The following EVI5L variants were observed in gnomAD, a reference collection of about 807,000 sequenced individuals.
EVI5L encodes the protein ecotropic viral integration site 5 like, also known as EVI5-like protein.
EVI5L carries 30 observed loss-of-function variants against 106.1 expected under a neutral mutation model. The ratio of observed to expected loss-of-function variants is 0.28; its 90% CI spans 0.21 to 0.38. The LOEUF (loss-of-function observed/expected upper bound fraction) is 0.38, where lower values mean the gene tolerates loss of function less well. EVI5L is among the 10% of genes least tolerant of loss of function. EVI5L has a pLI of 1.00. For synonymous variants in EVI5L, 489 were observed against 483.3 expected, an observed-to-expected ratio of 1.01 and a Z score of -0.15; for missense variants, 809 against 1,098.0, an observed-to-expected ratio of 0.74 and a Z score of 3.72.
Position 7,856,913 on chromosome 19 carries a change from T to G in EVI5L, c.1201-179T>G. On this transcript the variant is annotated intron_variant, in intron 11 of 19. Transcript: ENST00000538904. The surrounding 1 kb of genome is among the most constrained non-coding windows in gnomAD (Gnocchi z 6.6). ...CTCCAGGACGGAGCTGGCTCTAGCT[T>G]TGGTCTTCCTCCGGGTCCTCTCCTG... 2.7e-6 allele frequency: 2 copies of G among 734,300 alleles called. No homozygotes were observed. Among genetic ancestry groups the G allele is most frequent in the South Asian group, 3.0e-5 (2 of 67,756 alleles). The allele number at this position is 734,300 out of a possible 1,614,324, so 45.5% of individuals were successfully genotyped here. A position where few individuals can be genotyped will look rare whatever the true frequency, so the allele number is the denominator to read the frequency against.
intron 13 of EVI5L, among the ~76,000 whole-genome samples, chr19:7,859,886 C>A (rs756007331): frequency 4.6e-5 from 7 of 152,212 alleles, no homozygotes; most frequent in African/African-American, 4.8e-5. Flanking sequence ...ATCTCAGAGA[C>A]CCACAGGAAG....
In EVI5L at chr19:7,855,998, TC is replaced by T. The variant is rs1979501536; in HGVS notation, c.1147-11del. 6.0e-6 allele frequency: 8 copies of T among 1,323,368 alleles called. No individual in the cohort carries two copies. The highest frequency in any genetic ancestry group is 5.6e-5 in the South Asian group (2 of 35,850). 82.0% of individuals were successfully genotyped at this position (1,323,368 alleles called of 1,614,324 possible). ...GTGGGGGGCGGGCTATGACGTGATCTCCCCCCACCCCCATAGAGACTTCGGA... is the reference window on the plus strand; with the variant it reads ...GTGGGGGGCGGGCTATGACGTGATCTCCCCCACCCCCATAGAGACTTCGGA... On this transcript the variant is annotated splice_polypyrimidine_tract_variant and intron_variant, in intron 10 of 19. Coordinates refer to ENST00000538904, the MANE Select transcript of EVI5L (RefSeq NM_001159944.3).
At chr19:7,837,998 C>T (rs576529058) in intron 1 of EVI5L, among the ~76,000 whole-genome samples, 58 of 152,040 alleles carry the variant, frequency 3.8e-4, no homozygotes, top group African/African-American at 1.2e-3. Flanking sequence ...CCCCCATGCC[C>T]GGCCAACCTT....
At position 7,857,271 on chromosome 19, in the gene EVI5L, G is replaced by A. The variant is rs1979573898; in HGVS notation, c.1233+147G>A. ...GAGCAGCTGGGGACCGCTTCTGGGG[G>A]ACACAGAGGCTTCCCGGGGGGGCGG... On this transcript the variant is annotated intron_variant, in intron 12 of 19. Transcript: ENST00000538904. This position sits in a 1 kb window ranked among gnomAD's most constrained non-coding sequence, Gnocchi z 4.5. 7 of 1,089,024 alleles carry A rather than the reference G, an allele frequency of 6.4e-6. No homozygotes were observed. The Admixed American group carries it at 1.2e-4, about 19-fold the overall frequency. 67.5% of individuals were successfully genotyped at this position (1,089,024 alleles called of 1,614,324 possible).
chr19:7,861,623 G>A (rs1202524695), intron 14 of EVI5L, among the ~76,000 whole-genome samples: 2 of 152,194 alleles, frequency 1.3e-5, no homozygotes, highest in Non-Finnish European at 1.5e-5. Context: ...TGTGCAGCGC[G>A]GCGTTTATGG....
chr19:7,863,495 C>T lies in EVI5L; in HGVS notation c.2211C>T (p.His737=). ...TCGATGGGCTGAGCCTGGCGCGGCA[C>T]TTGGACGAGGACTCGCTGCCGTCGT... ...LAFDGLSLAR[H]LDEDSLPSSD... The change falls in exon 20 of 20, where the codon CAC becomes CAT. Residue 737 remains histidine, a synonymous_variant. Coordinates refer to ENST00000538904, the MANE Select transcript of EVI5L (RefSeq NM_001159944.3). The surrounding 1 kb of genome is among the most constrained non-coding windows in gnomAD (Gnocchi z 7.7). The T allele has an allele frequency of 6.3e-7, 1 of 1,583,604 alleles. No individual in the cohort carries two copies. Among genetic ancestry groups the T allele is most frequent in the Non-Finnish European group, 8.6e-7 (1 of 1,165,926 alleles).
chr19:7,833,263 G>A (rs1978302001), intron 1 of EVI5L, among the ~76,000 whole-genome samples: 1 of 152,248 alleles, frequency 6.6e-6, no homozygotes, highest in South Asian at 2.1e-4. Context: ...CAGATGTTGG[G>A]GTGTGAAGGA....
At chr19:7,847,616 G>T in intron 2 of EVI5L, 116 bp from the exon 3 acceptor site, 4 of 1,023,080 alleles carry the variant, frequency 3.9e-6, no homozygotes, top group East Asian at 2.5e-5. Flanking sequence ...GAACAAGAGG[G>T]ACCTAATCCC....
At chr19:7,860,406 C>A (rs538139167) in intron 13 of EVI5L, among the ~76,000 whole-genome samples, 155 bp from the exon 14 acceptor site, 7 of 152,306 alleles carry the variant, frequency 4.6e-5, no homozygotes. Context: ...ACCTCTAGGC[C>A]CTGAGCATCA....
intron 1 of EVI5L, among the ~76,000 whole-genome samples, chr19:7,846,094 A>C (rs7246194): frequency 0.73 from 110,695 of 152,076 alleles, 40,806 homozygotes; most frequent in South Asian, 0.84. Flanking sequence ...GAAGGGCCAG[A>C]AAAGCAGGGG....
chr19:7,860,765 G>C (rs921187791), intron 14 of EVI5L, 76 bp downstream of exon 14: 13 of 1,452,272 alleles, frequency 9.0e-6, no homozygotes, highest in Non-Finnish European at 1.2e-5. Context: ...AGCTTTGGGA[G>C]TGACCCCAGG....
intron 6 of EVI5L, among the ~76,000 whole-genome samples, chr19:7,851,143 C>T (rs573835552): frequency 5.9e-5 from 9 of 152,242 alleles, no homozygotes; most frequent in South Asian, 2.1e-4. Flanking sequence ...CTCAGGCTGT[C>T]GTGAGGACCC....
intron 1 of EVI5L, among the ~76,000 whole-genome samples, chr19:7,840,612 T>A (rs997266766): frequency 2.6e-5 from 4 of 152,198 alleles, no homozygotes; most frequent in Admixed American, 1.3e-4. Flanking sequence ...CCATAAGCAG[T>A]TTCTCCCCAT....
At chr19:7,853,395 A>G in intron 10 of EVI5L, 62 bp downstream of exon 10, 3 of 1,563,012 alleles carry the variant, frequency 1.9e-6, no homozygotes, top group Non-Finnish European at 2.6e-6. Flanking sequence ...TGCCCTCCGT[A>G]CTCTAAAGAT....
Position 7,852,928 on chromosome 19 carries a change from T to C in EVI5L, c.988-158T>C, listed in dbSNP as rs1979326424. Reference sequence around the variant, plus strand: ...CATTCCCTCCCCTCACGCTCAGTCTTTCCATTGCTCCACAAACACTGAGGA... The same window carrying C: ...CATTCCCTCCCCTCACGCTCAGTCTCTCCATTGCTCCACAAACACTGAGGA... On this transcript the variant is annotated intron_variant, in intron 8 of 19. Coordinates refer to ENST00000538904, the MANE Select transcript of EVI5L (RefSeq NM_001159944.3). 3 of 689,008 alleles carry C rather than the reference T, an allele frequency of 4.4e-6. No homozygotes were observed. In the African/African-American group the frequency reaches 5.4e-5, roughly 12 times the overall value. 42.7% of individuals were successfully genotyped at this position (689,008 alleles called of 1,614,324 possible). A position where few individuals can be genotyped will look rare whatever the true frequency, so the allele number is the denominator to read the frequency against.
At chr19:7,843,433 A>AGT (rs149357850) in intron 1 of EVI5L, among the ~76,000 whole-genome samples, 61,533 of 106,750 alleles carry the variant, frequency 0.58, 18,706 homozygotes, top group South Asian at 0.78. Context: ...GTGTGTCGAG[A>AGT]GTGTGTGTGT....
At chr19:7,843,038 GA>G (rs1197169814) in intron 1 of EVI5L, among the ~76,000 whole-genome samples, 3 of 151,202 alleles carry the variant, frequency 2.0e-5, no homozygotes, top group Non-Finnish European at 4.4e-5. Flanking sequence ...GTGTGTGAGA[GA>G]ATAGGCATGG....
Position 7,858,045 on chromosome 19 carries a change from T to G in EVI5L, c.1234-146T>G, listed in dbSNP as rs1426157073. The G allele has an allele frequency of 3.2e-6, 3 of 934,736 alleles. No homozygotes were observed. Among genetic ancestry groups the G allele is most frequent in the Admixed American group, 2.8e-5 (1 of 35,882 alleles). 57.9% of individuals were successfully genotyped at this position (934,736 alleles called of 1,614,324 possible). On this transcript the variant is annotated intron_variant, in intron 12 of 19. Coordinates refer to ENST00000538904, the MANE Select transcript of EVI5L (RefSeq NM_001159944.3). The surrounding 1 kb of genome is among the most constrained non-coding windows in gnomAD (Gnocchi z 5.7). ...CACGTCCCCAGGCCCAGTGGGACGC[T>G]CATCCCAGGCTCTGAGTACGGGAGG...
chr19:7,850,207 G>GC lies in EVI5L; in HGVS notation c.753+86dup, dbSNP rs1979173266. 2.0e-6 allele frequency: 3 copies of GC among 1,511,352 alleles called. No homozygotes were observed. In the Admixed American group the frequency reaches 6.0e-5, roughly 30 times the overall value. 93.6% of individuals were successfully genotyped at this position (1,511,352 alleles called of 1,614,324 possible). On this transcript the variant is annotated intron_variant, in intron 6 of 19. Coordinates refer to ENST00000538904, the MANE Select transcript of EVI5L (RefSeq NM_001159944.3). This position sits in a 1 kb window ranked among gnomAD's most constrained non-coding sequence, Gnocchi z 5.4. Reference sequence around the variant, plus strand: ...CGCAAGGGAGCAGGATCGCAGAAGGGCAGGGCTGGCACCCTAGACCATACC... The same window carrying GC: ...CGCAAGGGAGCAGGATCGCAGAAGGGCCAGGGCTGGCACCCTAGACCATACC...
Sources: gnomAD v4.1 joint callset for allele counts (sites outside exome capture counted in the v4.1 genomes callset) on GRCh38, gnomAD v4.1.1 for gene constraint, Gnocchi (gnomAD v3.1) non-coding constraint, MANE v1.5 for transcripts, NCBI Gene and HGNC (gene_info 2026-07-23, HGNC 2026-07-21) for gene names.